IGF1R: variants seen among roughly 807,000 people sequenced by gnomAD.
The protein encoded by IGF1R is insulin-like growth factor 1 receptor.
IGF1R carries 44 observed loss-of-function variants against 144.6 expected under a neutral mutation model. That is an observed-to-expected ratio of 0.30 (90% CI 0.24 to 0.39). IGF1R has a LOEUF of 0.39. Ranked by LOEUF, IGF1R falls within the 10% of genes least tolerant of loss-of-function variation. IGF1R has a pLI of 1.00. For missense variants in IGF1R, 1,355 were observed against 1,833.7 expected (o/e 0.74, Z 4.77); for synonymous variants, 795 against 722.8 (o/e 1.10, Z -1.60).
At chr15:98,852,680 C>G (rs994300332) in intron 2 of IGF1R, among the ~76,000 whole-genome samples, 1 of 152,212 alleles carries the variant, frequency 6.6e-6, no homozygotes, top group Non-Finnish European at 1.5e-5. Flanking sequence ...CGAAGCGGGC[C>G]GAGCGCAGAG....
chr15:98,649,613 C>T lies in IGF1R; in HGVS notation c.32C>T (p.Thr11Ile). Residue 11 changes from threonine to isoleucine, a missense_variant, in exon 1 of 21, where the codon ACC (threonine) becomes ATC (isoleucine). By Grantham distance (89) the Thr-to-Ile change is moderately conservative. This residue lies in a region of IGF1R where 49 missense variants were observed against 34.7 expected (regional missense o/e 1.41). Transcript: ENST00000650285. ...TCTGGCTCCGGAGGAGGGTCCCCGA[C>T]CTCGCTGTGGGGGCTCCTGTTTCTC... The part of the protein sequence containing the change: MKSGSGGGSP[T>I]SLWGLLFLSA... 2 of 1,608,938 alleles carry T rather than the reference C, an allele frequency of 1.2e-6. No individual in the cohort carries two copies. Among genetic ancestry groups the T allele is most frequent in the Non-Finnish European group, 1.7e-6 (2 of 1,178,462 alleles).
At chr15:98,835,111 C>CACACACA (rs2057074566) in intron 2 of IGF1R, among the ~76,000 whole-genome samples, 4 of 136,044 alleles carry the variant, frequency 2.9e-5, no homozygotes, top group African/African-American at 1.3e-4. Flanking sequence ...ACACACACAC[C>CACACACA]CCTACACCCA....
At chr15:98,742,729 CAT>C (rs553703231) in intron 2 of IGF1R, among the ~76,000 whole-genome samples, 2 of 152,334 alleles carry the variant, frequency 1.3e-5, no homozygotes, top group East Asian at 3.9e-4. Flanking sequence ...TTGTTACAAA[CAT>C]TGGCTTGCCT....
intron 1 of IGF1R, among the ~76,000 whole-genome samples, chr15:98,658,318 T>C (rs1379512738): frequency 6.6e-6 from 1 of 152,244 alleles, no homozygotes; most frequent in East Asian, 1.9e-4. Context: ...AAGGTCACCA[T>C]AGCTTTAGTT....
intron 1 of IGF1R, among the ~76,000 whole-genome samples, chr15:98,669,325 T>C (rs148821592): frequency 4.3e-4 from 66 of 152,286 alleles, no homozygotes; most frequent in African/African-American, 1.6e-3. Flanking sequence ...TACAAACCCA[T>C]GTGAGGTTTT....
At chr15:98,752,748 T>C (rs1225011370) in intron 2 of IGF1R, among the ~76,000 whole-genome samples, 1 of 152,136 alleles carries the variant, frequency 6.6e-6, no homozygotes, top group African/African-American at 2.4e-5. Context: ...GTGAATAATA[T>C]GGCTCAAACT....
At chr15:98,717,879 G>T (rs752804998) in intron 2 of IGF1R, among the ~76,000 whole-genome samples, 2 of 152,110 alleles carry the variant, frequency 1.3e-5, no homozygotes, top group Non-Finnish European at 2.9e-5. Context: ...TCTCACATAG[G>T]TAGCCAACCA....
intron 13 of IGF1R, among the ~76,000 whole-genome samples, chr15:98,925,281 T>A (rs2015668234): frequency 1.3e-5 from 2 of 152,188 alleles, no homozygotes; most frequent in African/African-American, 4.8e-5. Flanking sequence ...CTCAAGTCAT[T>A]AACAAGACAG....
intron 2 of IGF1R, among the ~76,000 whole-genome samples, chr15:98,747,887 C>T (rs960332275): frequency 1.3e-5 from 2 of 152,116 alleles, no homozygotes; most frequent in Non-Finnish European, 2.9e-5. Context: ...TTAAAAATAT[C>T]ACCTATAGCA....
At chr15:98,892,527 C>CA (rs368474118) in intron 3 of IGF1R, among the ~76,000 whole-genome samples, 3,221 of 74,978 alleles carry the variant, frequency 0.043, 143 homozygotes, top group African/African-American at 0.08. Flanking sequence ...ACTCTGTCTC[C>CA]AAAAAAAAAA....
chr15:98,937,097 G>T (rs2016183904), intron 17 of IGF1R, among the ~76,000 whole-genome samples: 1 of 152,120 alleles, frequency 6.6e-6, no homozygotes, highest in South Asian at 2.1e-4. Context: ...TGTTGGCCAG[G>T]CTGGTCTTGA....
intron 2 of IGF1R, among the ~76,000 whole-genome samples, chr15:98,736,288 T>G (rs1354364107): frequency 6.6e-6 from 1 of 152,234 alleles, no homozygotes; most frequent in Admixed American, 6.5e-5. Flanking sequence ...CAAGAAAGGT[T>G]AATATTATCA....
At chr15:98,808,965 G>A (rs1380502988) in intron 2 of IGF1R, among the ~76,000 whole-genome samples, 1 of 152,166 alleles carries the variant, frequency 6.6e-6, no homozygotes, top group African/African-American at 2.4e-5. Flanking sequence ...GGGATTACAG[G>A]CATGAGCCAC....
At chr15:98,660,131 T>C (rs949463976) in intron 1 of IGF1R, 22 of 152,220 alleles carry the variant, frequency 1.4e-4, no homozygotes, top group African/African-American at 5.3e-4. Flanking sequence ...AATTCGGAAA[T>C]CTTTGTTTGG....
At chr15:98,656,203 T>C (rs1018488564) in intron 1 of IGF1R, among the ~76,000 whole-genome samples, 2 of 152,226 alleles carry the variant, frequency 1.3e-5, no homozygotes, top group African/African-American at 4.8e-5. Context: ...GGGGAAGATG[T>C]GCACACCTGT....
At chr15:98,829,305 C>G (rs771431190) in intron 2 of IGF1R, among the ~76,000 whole-genome samples, 2 of 151,668 alleles carry the variant, frequency 1.3e-5, no homozygotes, top group East Asian at 3.9e-4. Flanking sequence ...GCTAAGTAAC[C>G]AAAGTACTGC....
intron 2 of IGF1R, among the ~76,000 whole-genome samples, chr15:98,879,105 G>A (rs1011520042): frequency 5.3e-5 from 8 of 152,124 alleles, no homozygotes; most frequent in East Asian, 1.9e-4. Context: ...AAGCAGGGCC[G>A]GTCCAGCCTG....
chr15:98,826,642 G>A (rs1015324988), intron 2 of IGF1R, among the ~76,000 whole-genome samples: 1 of 152,158 alleles, frequency 6.6e-6, no homozygotes, highest in African/African-American at 2.4e-5. Flanking sequence ...AGGCCTCAGT[G>A]GGAAGAAGAT....
intron 2 of IGF1R, among the ~76,000 whole-genome samples, chr15:98,828,227 G>A (rs531104888): frequency 2.0e-5 from 3 of 152,256 alleles, no homozygotes; most frequent in South Asian, 2.1e-4. Context: ...CTAAATACTC[G>A]GGCTAAACTT....
Sources: allele counts gnomAD v4.1 joint callset (sites outside exome capture counted in the v4.1 genomes callset), GRCh38; gene constraint gnomAD v4.1.1; regional missense constraint gnomAD v4.1.1; transcripts MANE v1.5; gene names NCBI Gene and HGNC (gene_info 2026-07-23, HGNC 2026-07-21).